The following NDST3 variants were observed in gnomAD, a reference collection of about 807,000 sequenced individuals.
NDST3 encodes the protein bifunctional heparan sulfate N-deacetylase/N-sulfotransferase 3.
Under a neutral mutation model 96.1 loss-of-function variants are expected in NDST3, and 58 were observed. The observed-to-expected ratio is 0.60, with a 90% CI of 0.49 to 0.75. The LOEUF is 0.75. Ranked by LOEUF, NDST3 falls within the 30% of genes least tolerant of loss-of-function variation. The probability of loss-of-function intolerance (pLI) is 0.00; values close to 1 mark genes in which losing one functional copy is unlikely to be tolerated. For missense variants in NDST3, 788 were observed against 1,034.2 expected (o/e 0.76, Z 3.27); for synonymous variants, 333 against 359.7 (o/e 0.93, Z 0.84).
chr4:118,251,865 C>A (rs1741765633), intron 12 of NDST3, among the ~76,000 whole-genome samples: 1 of 152,116 alleles, frequency 6.6e-6, no homozygotes, highest in Admixed American at 6.5e-5. Context: ...CATACTGAAT[C>A]TATAGACAAA....
chr4:118,040,859 A>T (rs1193071559), intron 1 of NDST3, among the ~76,000 whole-genome samples: 2 of 43,382 alleles, frequency 4.6e-5, no homozygotes, highest in East Asian at 3.9e-3. Flanking sequence ...ATATATATTT[A>T]TATATTTTTA....
chr4:118,055,130 T>C, intron 2 of NDST3: 1 of 538,618 alleles, frequency 1.9e-6, no homozygotes, highest in Non-Finnish European at 3.3e-6. Flanking sequence ...AATGGTTTTC[T>C]ACATGTATTT....
At chr4:118,174,665 C>T (rs1247725976) in intron 6 of NDST3, among the ~76,000 whole-genome samples, 1 of 152,056 alleles carries the variant, frequency 6.6e-6, no homozygotes, top group Non-Finnish European at 1.5e-5. Context: ...TGCTCCCAAC[C>T]ACCATTTCCA....
At chr4:118,183,934 C>G (rs1736763619) in intron 6 of NDST3, among the ~76,000 whole-genome samples, 1 of 152,212 alleles carries the variant, frequency 6.6e-6, no homozygotes, top group Admixed American at 6.5e-5. Context: ...GTAGCCTGCA[C>G]AGATGTACCA....
chr4:118,227,060 C>T (rs1739932683), intron 8 of NDST3, 78 bp downstream of exon 8: 14 of 958,900 alleles, frequency 1.5e-5, no homozygotes, highest in Admixed American at 8.6e-5. Flanking sequence ...ACAATAAGTT[C>T]GTAAACTTCC....
chr4:118,158,220 C>G (rs572741737), intron 6 of NDST3, among the ~76,000 whole-genome samples: 1 of 152,168 alleles, frequency 6.6e-6, no homozygotes, highest in South Asian at 2.1e-4. Flanking sequence ...ATTTTAATTT[C>G]TAAATACTAT....
intron 8 of NDST3, among the ~76,000 whole-genome samples, chr4:118,229,026 C>CG (rs2125997640): frequency 6.6e-6 from 1 of 152,260 alleles, no homozygotes; most frequent in South Asian, 2.1e-4. Context: ...CTGGGCCAGG[C>CG]GTGGTGGCTC....
intron 6 of NDST3, among the ~76,000 whole-genome samples, chr4:118,204,593 T>C (rs1192789815): frequency 6.9e-6 from 1 of 144,804 alleles, no homozygotes; most frequent in African/African-American, 2.5e-5. Context: ...GGTTACTGTC[T>C]ATTTAAACTT....
intron 3 of NDST3, among the ~76,000 whole-genome samples, chr4:118,111,281 G>C (rs533407980): frequency 1.6e-4 from 24 of 152,084 alleles, no homozygotes; most frequent in African/African-American, 5.8e-4. Context: ...ATATGCCCAG[G>C]TAACAAACCT....
At chr4:118,118,073 T>C (rs1731264441) in intron 4 of NDST3, among the ~76,000 whole-genome samples, 1 of 152,138 alleles carries the variant, frequency 6.6e-6, no homozygotes, top group Admixed American at 6.6e-5. Flanking sequence ...TTCTCATGTG[T>C]AGTTACAGAA....
At chr4:118,189,633 C>T (rs999074022) in intron 6 of NDST3, among the ~76,000 whole-genome samples, 39 of 152,038 alleles carry the variant, frequency 2.6e-4, no homozygotes, top group Non-Finnish European at 4.4e-5. Flanking sequence ...TTTTTTAAAA[C>T]CAAAACCTTT....
chr4:118,210,129 G>A (rs1032789130), intron 6 of NDST3, among the ~76,000 whole-genome samples: 4 of 152,068 alleles, frequency 2.6e-5, no homozygotes, highest in African/African-American at 9.7e-5. Flanking sequence ...GAGGATTTTT[G>A]GAAAGAGTTG....
chr4:118,111,926 T>A (rs766849704), intron 3 of NDST3, among the ~76,000 whole-genome samples: 10 of 152,042 alleles, frequency 6.6e-5, no homozygotes, highest in Non-Finnish European at 1.0e-4. Flanking sequence ...TCTGCCCGCC[T>A]CAGCCTCCCA....
intron 9 of NDST3, among the ~76,000 whole-genome samples, chr4:118,234,345 T>G (rs1001957741): frequency 6.6e-6 from 1 of 151,952 alleles, no homozygotes; most frequent in Non-Finnish European, 1.5e-5. Flanking sequence ...CCCATGGAGG[T>G]TGAGGCTGCA....
intron 2 of NDST3, among the ~76,000 whole-genome samples, chr4:118,072,969 A>T (rs982160990): frequency 6.6e-6 from 1 of 152,150 alleles, no homozygotes; most frequent in Non-Finnish European, 1.5e-5. Context: ...GCTTTTCTGC[A>T]TTAATTGAGA....
Position 118,125,834 on chromosome 4 carries a change from A to G in NDST3, c.1224+10874A>G, listed in dbSNP as rs1321029356. 5.9e-5 allele frequency among the ~76,000 whole-genome samples: 9 copies of G among 152,176 alleles called. No homozygotes were observed. The South Asian group carries it at 1.0e-3, about 18-fold the overall frequency. On this transcript the variant is annotated intron_variant, in intron 4 of 13. Transcript: ENST00000296499. ...AAATATTATCATTTATCACAGGAAC[A>G]TAGTCTAACATTTAATAATCTTTGC...
upstream of NDST3, among the ~76,000 whole-genome samples, chr4:118,033,408 G>A (rs1323135922): frequency 6.6e-6 from 1 of 152,112 alleles, no homozygotes; most frequent in Non-Finnish European, 1.5e-5. Flanking sequence ...CCAACCCGCC[G>A]GGAGGGGCGG....
At chr4:118,059,282 T>C (rs895405303) in intron 2 of NDST3, among the ~76,000 whole-genome samples, 1 of 152,142 alleles carries the variant, frequency 6.6e-6, no homozygotes, top group Non-Finnish European at 1.5e-5. Context: ...ACCCCAGACC[T>C]TTCTCACTAT....
intron 6 of NDST3, among the ~76,000 whole-genome samples, chr4:118,200,328 G>A (rs1242158854): frequency 6.6e-6 from 1 of 152,090 alleles, no homozygotes; most frequent in Non-Finnish European, 1.5e-5. Context: ...TCATGGCCAC[G>A]GCCACCTCAG....
Sources: gnomAD v4.1 joint callset for allele counts (sites outside exome capture counted in the v4.1 genomes callset) on GRCh38, gnomAD v4.1.1 for gene constraint, MANE v1.5 for transcripts, NCBI Gene and HGNC (gene_info 2026-07-23, HGNC 2026-07-21) for gene names.